The following ATG4C variants were observed in gnomAD, a reference collection of about 807,000 sequenced individuals.
The protein encoded by ATG4C is autophagy related 4C cysteine peptidase.
In ATG4C, 56 loss-of-function variants were observed where a neutral mutation model predicts 57.6. That is an observed-to-expected ratio of 0.97 (90% CI 0.78 to 1.21). The LOEUF is 1.21. Ranked by LOEUF, ATG4C falls within the 50% of genes most tolerant of loss-of-function variation. The probability of loss-of-function intolerance (pLI) is 0.00; values close to 1 mark genes in which losing one functional copy is unlikely to be tolerated. For synonymous variants in ATG4C, 157 were observed against 174.1 expected, an observed-to-expected ratio of 0.90 and a Z score of 0.78; for missense variants, 595 against 529.8, an observed-to-expected ratio of 1.12 and a Z score of -1.21.
At chr1:62,793,849 T>G in intron 1 of ATG4C, among the ~76,000 whole-genome samples, 1 of 151,210 alleles carries the variant, frequency 6.6e-6, no homozygotes, top group Non-Finnish European at 1.5e-5. Context: ...AGTCTCTATA[T>G]TAACTTACGG....
At chr1:62,788,633 A>AG (rs1454884132) in intron 1 of ATG4C, among the ~76,000 whole-genome samples, 2 of 152,232 alleles carry the variant, frequency 1.3e-5, no homozygotes, top group African/African-American at 2.4e-5. Flanking sequence ...TATGCAGTCC[A>AG]TATTCAACAA....
intron 6 of ATG4C, among the ~76,000 whole-genome samples, 191 bp downstream of exon 6, chr1:62,821,400 C>T (rs920086696): frequency 3.3e-5 from 5 of 151,752 alleles, no homozygotes; most frequent in African/African-American, 4.8e-5. Context: ...TTTTTAGTTG[C>T]GATATTAAAA....
rs148580444 is a variant in ATG4C at position 62,828,459 on chromosome 1, G to T, written c.797-581G>T. 9.4e-4 allele frequency among the ~76,000 whole-genome samples: 143 copies of T among 152,228 alleles called. 2 individuals are homozygous for T. In the East Asian group the frequency reaches 0.026, roughly 28 times the overall value. Reference sequence around the variant, plus strand: ...CTACATGTATATCTTCTTTTGAAAAGTGTCTTTTCATGTCCTTTGCCCACA... The same window carrying T: ...CTACATGTATATCTTCTTTTGAAAATTGTCTTTTCATGTCCTTTGCCCACA... On this transcript the variant is annotated intron_variant, in intron 6 of 10. Transcript: ENST00000317868.
intron 8 of ATG4C, 93 bp from the exon 9 acceptor site, chr1:62,834,683 T>G (rs1665943437): frequency 9.9e-7 from 1 of 1,014,600 alleles, no homozygotes; most frequent in Non-Finnish European, 1.5e-6. Flanking sequence ...TACTCCCAGA[T>G]TTTTTTCAGC....
intron 3 of ATG4C, among the ~76,000 whole-genome samples, chr1:62,808,011 T>C (rs1664938411): frequency 6.6e-6 from 1 of 152,118 alleles, no homozygotes; most frequent in African/African-American, 2.4e-5. Context: ...GTCTGGAGAG[T>C]TGGAAAATCA....
intron 5 of ATG4C, among the ~76,000 whole-genome samples, chr1:62,820,716 G>C (rs1415183010): frequency 6.6e-6 from 1 of 152,006 alleles, no homozygotes; most frequent in Non-Finnish European, 1.5e-5. Context: ...TCATGCTGTT[G>C]TTTAAAGAAC....
chr1:62,849,266 A>G (rs572299333), intron 10 of ATG4C, among the ~76,000 whole-genome samples: 2 of 152,252 alleles, frequency 1.3e-5, no homozygotes, highest in South Asian at 2.1e-4. Flanking sequence ...GGCTTTAAAA[A>G]TGAATTGTTT....
chr1:62,854,930 T>G (rs1666638297), intron 10 of ATG4C, among the ~76,000 whole-genome samples: 1 of 151,816 alleles, frequency 6.6e-6, no homozygotes, highest in Admixed American at 6.6e-5. Flanking sequence ...CGGTTTCCTA[T>G]TTTTAGACTG....
chr1:62,785,755 A>T (rs1056233308), intron 1 of ATG4C, among the ~76,000 whole-genome samples: 2 of 152,206 alleles, frequency 1.3e-5, no homozygotes, highest in Non-Finnish European at 2.9e-5. Flanking sequence ...AAATATAAAT[A>T]TTAATACTGG....
chr1:62,832,821 TA>T (rs1181200311), intron 7 of ATG4C, among the ~76,000 whole-genome samples: 1 of 152,196 alleles, frequency 6.6e-6, no homozygotes, highest in Admixed American at 6.5e-5. Flanking sequence ...TAAAATAGAA[TA>T]TTTTTCAGCT....
intron 10 of ATG4C, among the ~76,000 whole-genome samples, chr1:62,857,124 C>T (rs1225135310): frequency 6.6e-6 from 1 of 152,122 alleles, no homozygotes; most frequent in African/African-American, 2.4e-5. Flanking sequence ...GGGCCCCCAG[C>T]CCCTGGACCA....
At chr1:62,788,583 T>A (rs1557953277) in intron 1 of ATG4C, among the ~76,000 whole-genome samples, 3 of 152,200 alleles carry the variant, frequency 2.0e-5, no homozygotes, top group Admixed American at 1.3e-4. Flanking sequence ...GCCATTAGCA[T>A]ATCCAAATAA....
Position 62,834,849 on chromosome 1 carries a change from T to G in ATG4C, c.1086T>G (p.Leu362=). The change falls in exon 9 of 11, where the codon CTT becomes CTG. Residue 362 remains leucine (L), a synonymous_variant. Transcript: ENST00000317868. ...ATGTCAGCATAAAGGATTTCCCTCT[T>G]GAGGTACTGTGGATAAAAAGCTGAT... ...FVDVSIKDFP[L]ETFHCPSPKK... 1 of 1,610,468 alleles carries G rather than the reference T, an allele frequency of 6.2e-7. No homozygotes were observed. The highest frequency in any genetic ancestry group is 8.5e-7 in the Non-Finnish European group (1 of 1,177,290).
chr1:62,816,880 C>T, intron 4 of ATG4C, 72 bp downstream of exon 4: 1 of 1,190,676 alleles, frequency 8.4e-7, no homozygotes. Flanking sequence ...ATTTGAATTC[C>T]AGCTTACAAA....
At chr1:62,856,659 A>C (rs1261034944) in intron 10 of ATG4C, among the ~76,000 whole-genome samples, 1 of 152,216 alleles carries the variant, frequency 6.6e-6, no homozygotes. Flanking sequence ...TGATCCTTAC[A>C]TTATACTAGA....
At chr1:62,785,160 G>A (rs1664042492) in intron 1 of ATG4C, 1 of 152,170 alleles carries the variant, frequency 6.6e-6, no homozygotes, top group South Asian at 2.1e-4. Flanking sequence ...GTCAGTTGAT[G>A]GCAGAAAGAG....
At chr1:62,861,478 G>A (rs973980481) in intron 10 of ATG4C, among the ~76,000 whole-genome samples, 4 of 151,860 alleles carry the variant, frequency 2.6e-5, no homozygotes, top group Non-Finnish European at 4.4e-5. Context: ...CCAGGAGGTC[G>A]AGGCTGCAGT....
chr1:62,863,552 A>C (rs1245837150), intron 10 of ATG4C, among the ~76,000 whole-genome samples: 1 of 152,064 alleles, frequency 6.6e-6, no homozygotes, highest in African/African-American at 2.4e-5. Flanking sequence ...GTTACAAAAC[A>C]GAGATTAGAA....
Position 62,803,756 on chromosome 1 carries a change from C to T in ATG4C, c.-31C>T. On this transcript the variant is annotated 5_prime_UTR_variant, in exon 2 of 11. Coordinates refer to ENST00000317868, the MANE Select transcript of ATG4C (RefSeq NM_032852.4). ...ATTAAACTCTACAGAAGAATGCAAT[C>T]AAGTGATGGCTTTTCCTTTAGAATT... 1 of 1,507,448 alleles carries T rather than the reference C, an allele frequency of 6.6e-7. No individual in the cohort carries two copies. The highest frequency in any genetic ancestry group is 9.1e-7 in the Non-Finnish European group (1 of 1,101,386). The allele number at this position is 1,507,448 out of a possible 1,614,324, so 93.4% of individuals were successfully genotyped here.
Sources: allele counts gnomAD v4.1 joint callset (sites outside exome capture counted in the v4.1 genomes callset), GRCh38; gene constraint gnomAD v4.1.1; transcripts MANE v1.5; gene names NCBI Gene and HGNC (gene_info 2026-07-23, HGNC 2026-07-21).